CYP26C1: variants seen among roughly 807,000 people sequenced by gnomAD.
CYP26C1 encodes the protein cytochrome P450 26C1.
A neutral mutation model predicts 39.1 loss-of-function variants in CYP26C1; 41 were observed. That is an observed-to-expected ratio of 1.05 (90% CI 0.82 to 1.36). The LOEUF (loss-of-function observed/expected upper bound fraction) is 1.36. Ranked by LOEUF, CYP26C1 falls within the 40% of genes most tolerant of loss-of-function variation. CYP26C1 has a pLI of 0.00. For synonymous variants in CYP26C1, 362 were observed against 350.8 expected (o/e 1.03, Z -0.36); for missense variants, 833 against 752.0 (o/e 1.11, Z -1.26).
Position 93,066,187 on chromosome 10 carries a change from C to A in CYP26C1, c.1093C>A (p.Arg365Ser), listed in dbSNP as rs756988529. 6.8e-7 allele frequency: 1 copy of A among 1,465,062 alleles called. No homozygotes were observed. 90.8% of individuals were successfully genotyped at this position (1,465,062 alleles called of 1,614,324 possible). The change falls in exon 5 of 6, where the codon CGT (arginine) becomes AGT (serine). Residue 365 changes from arginine (R) to serine (S), a missense_variant. Physicochemically the swap from Arg to Ser is moderately radical, Grantham distance 110. Coordinates refer to ENST00000651965, the MANE Select transcript of CYP26C1 (RefSeq NM_183374.3). ...EPDLSLAALG[R>S]LRYVDCVVKE... is the part of the protein sequence containing the mutation. ...CGACCTCAGCCTCGCGGCGCTGGGC[C>A]GTCTGCGCTACGTCGACTGCGTGGT...
chr10:93,066,316 C>T (rs1051490251), intron 5 of CYP26C1, 31 bp downstream of exon 5: 3 of 1,262,830 alleles, frequency 2.4e-6, no homozygotes, highest in Middle Eastern at 3.0e-4. Context: ...CATGGCCAGC[C>T]TCCTGCCTCC....
rs779349970 is a variant in CYP26C1 at position 93,062,795 on chromosome 10, G to T, written c.505G>T (p.Val169Leu). Residue 169 changes from valine (V) to leucine (L), a missense_variant, in exon 3 of 6, where the codon GTG (valine) becomes TTG (leucine). Physicochemically the swap from Val to Leu is conservative, Grantham distance 32 (BLOSUM62 1). Coordinates refer to ENST00000651965, the MANE Select transcript of CYP26C1 (RefSeq NM_183374.3). ...CCTGCAGGGGGCGCTGCGGCATGAG[G>T]TGCGCTCCTGGTGCGCGGCGGGCGG... is the stretch of plus-strand genomic sequence containing the variant. ...PRLQGALRHEVRSWCAAGGPV... is the reference protein window; with the variant it reads ...PRLQGALRHELRSWCAAGGPV... 1 of 1,542,018 alleles carries T rather than the reference G, an allele frequency of 6.5e-7. No individual in the cohort carries two copies. The highest frequency in any genetic ancestry group is 1.2e-5 in the South Asian group (1 of 84,828).
In CYP26C1 at chr10:93,069,494, A is replaced by G. The variant is rs868350205; in HGVS notation, c.*797A>G. 1 of 152,292 alleles carries G rather than the reference A, an allele frequency of 6.6e-6. No homozygotes were observed. The highest frequency in any genetic ancestry group is 1.5e-5 in the Non-Finnish European group (1 of 68,072). The allele number at this position is 152,292 out of a possible 1,614,324, so 9.4% of individuals were successfully genotyped here. ...AATTAGAGAGGTTTGAGATATTTGT[A>G]CCAAAAATAGGAAGGCCAAGAAATA... is the stretch of plus-strand genomic sequence containing the variant. On this transcript the variant is annotated 3_prime_UTR_variant, in exon 6 of 6. Coordinates refer to ENST00000651965, the MANE Select transcript of CYP26C1 (RefSeq NM_183374.3).
chr10:93,063,483 C>T (rs1485537179), intron 3 of CYP26C1: 3 of 987,336 alleles, frequency 3.0e-6, no homozygotes, highest in African/African-American at 3.5e-5. Context: ...AGCCCTGGAC[C>T]CGCTAGGTTT....
Position 93,061,097 on chromosome 10 carries a change from G to T in CYP26C1, c.-167G>T, listed in dbSNP as rs1846739845. 4.3e-6 allele frequency: 3 copies of T among 703,718 alleles called. No homozygotes were observed. Among genetic ancestry groups the T allele is most frequent in the Middle Eastern group, 2.4e-4 (1 of 4,110 alleles). 43.6% of individuals were successfully genotyped at this position (703,718 alleles called of 1,614,324 possible). On this transcript the variant is annotated 5_prime_UTR_variant, in exon 1 of 6. Transcript: ENST00000651965. ...CACTGCAGTCTTTCACCGTCCGTCTGTTTTTAGAACAGAGTTCTGGCCTGA... is the reference window on the plus strand; with the variant it reads ...CACTGCAGTCTTTCACCGTCCGTCTTTTTTTAGAACAGAGTTCTGGCCTGA...
In CYP26C1 at chr10:93,066,077, C is replaced by A; in HGVS notation, c.983C>A (p.Ala328Glu). ...GCCAAGATTCGGGAGGAGCTGGTGGCGCAGGGGCTGGGGCGCGCGTGCGGC... is the reference window on the plus strand; with the variant it reads ...GCCAAGATTCGGGAGGAGCTGGTGGAGCAGGGGCTGGGGCGCGCGTGCGGC... The part of the protein sequence containing the change: ...AIAKIREELV[A>E]QGLGRACGCA... The change falls in exon 5 of 6, where the codon GCG becomes GAG. Residue 328 changes from alanine (A) to glutamate (E), a missense_variant. Transcript: ENST00000651965. 1 of 1,479,852 alleles carries A rather than the reference C, an allele frequency of 6.8e-7. No individual in the cohort carries two copies. The highest frequency in any genetic ancestry group is 8.9e-7 in the Non-Finnish European group (1 of 1,118,760). 91.7% of individuals were successfully genotyped at this position (1,479,852 alleles called of 1,614,324 possible).
At position 93,061,042 on chromosome 10, in the gene CYP26C1, A is replaced by G. The variant is rs1846739008; in HGVS notation, c.-222A>G. 1.9e-6 allele frequency: 1 copy of G among 536,922 alleles called. No individual in the cohort carries two copies. The highest frequency in any genetic ancestry group is 3.4e-5 in the East Asian group (1 of 29,368). 33.3% of individuals were successfully genotyped at this position (536,922 alleles called of 1,614,324 possible). ...AAAAGTCCTGAGCGTGCCGGCCTCG[A>G]GGAAGGCACGTTCCCTAAGGGCGCA... On this transcript the variant is annotated 5_prime_UTR_variant, in exon 1 of 6. Transcript: ENST00000651965.
intron 5 of CYP26C1, 25 bp downstream of exon 5, chr10:93,066,310 G>GCCAGCCT (rs1846827145): frequency 7.6e-7 from 1 of 1,311,838 alleles, no homozygotes; most frequent in Non-Finnish European, 9.7e-7. Context: ...CCAGCCCATG[G>GCCAGCCT]CCAGCCTCCT....
Position 93,064,447 on chromosome 10 carries a change from G to A in CYP26C1, c.772G>A (p.Asp258Asn). ...GGCCATTTCTGAGAAGCTTCACGAG[G>A]ACAAGGCTGCAGAGCCGGGTGATGC... ...EGAISEKLHEDKAAEPGDALD... is the reference protein window; with the variant it reads ...EGAISEKLHENKAAEPGDALD... The change falls in exon 4 of 6, where the codon GAC becomes AAC. Residue 258 changes from aspartate (D) to asparagine (N), a missense_variant. By Grantham distance (23) the Asp-to-Asn change is conservative (BLOSUM62 1). Coordinates refer to ENST00000651965, the MANE Select transcript of CYP26C1 (RefSeq NM_183374.3). The A allele has an allele frequency of 6.2e-7, 1 of 1,614,190 alleles. No individual in the cohort carries two copies. Among genetic ancestry groups the A allele is most frequent in the African/African-American group, 1.3e-5 (1 of 75,054 alleles).
chr10:93,062,787 G>C lies in CYP26C1; in HGVS notation c.497G>C (p.Arg166Pro). ...GTGCCGCGCCTGCAGGGGGCGCTGC[G>C]GCATGAGGTGCGCTCCTGGTGCGCG... ...RYVPRLQGAL[R>P]HEVRSWCAAG... Residue 166 changes from arginine to proline, a missense_variant, in exon 3 of 6, where the codon CGG becomes CCG. Arg to Pro is a moderately radical substitution (Grantham distance 103). Coordinates refer to ENST00000651965, the MANE Select transcript of CYP26C1 (RefSeq NM_183374.3). The C allele has an allele frequency of 6.5e-7, 1 of 1,533,682 alleles. No individual in the cohort carries two copies. Among genetic ancestry groups the C allele is most frequent in the Non-Finnish European group, 8.7e-7 (1 of 1,146,908 alleles).
Position 93,062,017 on chromosome 10 carries a change from G to A in CYP26C1, c.212G>A (p.Arg71His), listed in dbSNP as rs1330042843. 2 of 1,562,888 alleles carry A rather than the reference G, an allele frequency of 1.3e-6. No homozygotes were observed. The highest frequency in any genetic ancestry group is 1.7e-6 in the Non-Finnish European group (2 of 1,153,918). Residue 71 changes from arginine (R) to histidine (H), a missense_variant, in exon 2 of 6, where the codon CGC becomes CAC. Transcript: ENST00000651965. The stretch of plus-strand genomic sequence containing the variant: ...CCTCCGCCTCGCCCGCAGGGCTCGC[G>A]CTTCCACAGTTCTCGCCGAGAGCGC... ...ETLHWLVQGSRFHSSRRERYG... is the reference protein window; with the variant it reads ...ETLHWLVQGSHFHSSRRERYG...
In CYP26C1 at chr10:93,065,983, G is replaced by A. The variant is rs868405318; in HGVS notation, c.889G>A (p.Ala297Thr). The A allele has an allele frequency of 1.3e-6, 2 of 1,582,838 alleles. No homozygotes were observed. Among genetic ancestry groups the A allele is most frequent in the African/African-American group, 2.8e-5 (2 of 72,158 alleles). Residue 297 changes from alanine (A) to threonine (T), a missense_variant, in exon 5 of 6, where the codon GCC becomes ACC. Transcript: ENST00000651965. ...KESAVELLFAAFFTTASASTS... is the reference protein window; with the variant it reads ...KESAVELLFATFFTTASASTS... ...GTCGGCTGTGGAGCTCCTCTTCGCCGCCTTCTTCACCACGGCCAGTGCCAG... is the reference window on the plus strand; with the variant it reads ...GTCGGCTGTGGAGCTCCTCTTCGCCACCTTCTTCACCACGGCCAGTGCCAG...
Position 93,069,253 on chromosome 10 carries a change from G to A in CYP26C1, c.*556G>A, listed in dbSNP as rs1307129770. On this transcript the variant is annotated 3_prime_UTR_variant, in exon 6 of 6. Coordinates refer to ENST00000651965, the MANE Select transcript of CYP26C1 (RefSeq NM_183374.3). ...CCTCTGGCAGCTGGCGTCTGGCTTC[G>A]TGCGCCTTGGCCACTCTGCCGGTCT... 1.3e-5 allele frequency: 2 copies of A among 152,280 alleles called. No homozygotes were observed. The highest frequency in any genetic ancestry group is 1.9e-4 in the East Asian group (1 of 5,176). 9.4% of individuals were successfully genotyped at this position (152,280 alleles called of 1,614,324 possible). A position where few individuals can be genotyped will look rare whatever the true frequency, so the allele number is the denominator to read the frequency against.
Position 93,061,160 on chromosome 10 carries a change from C to T in CYP26C1, c.-104C>T. 8.0e-7 allele frequency: 1 copy of T among 1,248,836 alleles called. No individual in the cohort carries two copies. Among genetic ancestry groups the T allele is most frequent in the Non-Finnish European group, 1.1e-6 (1 of 906,794 alleles). 77.4% of individuals were successfully genotyped at this position (1,248,836 alleles called of 1,614,324 possible). ...CGGGCTTTGCCCCCAAACCCCAGGC[C>T]TTTTGCGGACGGAACAGGTGAGCAC... On this transcript the variant is annotated 5_prime_UTR_variant, in exon 1 of 6. Transcript: ENST00000651965.
chr10:93,062,168 G>T lies in CYP26C1; in HGVS notation c.363G>T (p.Ala121=), dbSNP rs1323872091. 2.6e-6 allele frequency: 4 copies of T among 1,538,852 alleles called. No individual in the cohort carries two copies. The highest frequency in any genetic ancestry group is 2.4e-5 in the East Asian group (1 of 40,904). ...RLVRSQWPQS[A]HILLGSHTLL... ...TGCGCAGCCAGTGGCCGCAGAGTGC[G>T]CACATCCTGCTGGGCTCGCACACAC... The change falls in exon 2 of 6, where the codon GCG becomes GCT. Residue 121 remains alanine (A), a synonymous_variant. Transcript: ENST00000651965.
chr10:93,068,861 G>T lies in CYP26C1; in HGVS notation c.*164G>T. ...GCGGATGTGTGCCGGACTCGAGGAA[G>T]GAGGAGGGCGAGCCACCGCTGCCGC... On this transcript the variant is annotated 3_prime_UTR_variant, in exon 6 of 6. Transcript: ENST00000651965. The T allele has an allele frequency of 8.0e-7, 1 of 1,250,560 alleles. No individual in the cohort carries two copies. Among genetic ancestry groups the T allele is most frequent in the Non-Finnish European group, 1.0e-6 (1 of 955,052 alleles). The allele number at this position is 1,250,560 out of a possible 1,614,324, so 77.5% of individuals were successfully genotyped here.
chr10:93,065,317 C>T (rs1846811774), intron 4 of CYP26C1, among the ~76,000 whole-genome samples: 1 of 152,238 alleles, frequency 6.6e-6, no homozygotes, highest in South Asian at 2.1e-4. Context: ...CTAATAAGAG[C>T]ATGAGCAATG....
rs778518089 is a variant in CYP26C1 at position 93,068,644 on chromosome 10, C to T, written c.1516C>T (p.Leu506Phe). Residue 506 changes from leucine (L) to phenylalanine (F), a missense_variant, in exon 6 of 6, where the codon CTC becomes TTC. Transcript: ENST00000651965. ...CGTGCACCCAGTGGACGGGCTGCGG[C>T]TCTTTTTCCACCCCCTCACGCCTTC... ...PIVHPVDGLR[L>F]FFHPLTPSVA... The T allele has an allele frequency of 8.1e-6, 13 of 1,595,908 alleles. No individual in the cohort carries two copies. The East Asian group carries it at 9.0e-5, about 11-fold the overall frequency.
chr10:93,063,447 C>T, intron 3 of CYP26C1: 1 of 989,816 alleles, frequency 1.0e-6, no homozygotes, highest in Non-Finnish European at 1.2e-6. Context: ...AGCCCCGGAC[C>T]CAGGGGTGTG....
Sources: allele counts gnomAD v4.1 joint callset (sites outside exome capture counted in the v4.1 genomes callset), GRCh38; gene constraint gnomAD v4.1.1; transcripts MANE v1.5; gene names NCBI Gene and HGNC (gene_info 2026-07-23, HGNC 2026-07-21).